Variants in NELL2 observed in about 807,000 individuals in gnomAD.
NELL2 encodes protein kinase C-binding protein NELL2.
Under a neutral mutation model 109.6 loss-of-function variants are expected in NELL2, and 41 were observed. The observed-to-expected ratio is 0.37, with a 90% CI of 0.29 to 0.49. The LOEUF (loss-of-function observed/expected upper bound fraction) is 0.49, where lower values mean the gene tolerates loss of function less well. NELL2 is among the 20% of genes least tolerant of loss of function. The probability of loss-of-function intolerance (pLI) is 0.98; values close to 1 mark genes in which losing one functional copy is unlikely to be tolerated. For synonymous variants in NELL2, 355 were observed against 344.7 expected, an observed-to-expected ratio of 1.03 and a Z score of -0.33; for missense variants, 900 against 1,008.3, an observed-to-expected ratio of 0.89 and a Z score of 1.45.
At chr12:44,683,521 G>A (rs1948602982) in intron 12 of NELL2, among the ~76,000 whole-genome samples, 1 of 152,002 alleles carries the variant, frequency 6.6e-6, no homozygotes, top group Non-Finnish European at 1.5e-5. Context: ...AATGCTTCCA[G>A]TTTTTGCCCA....
At chr12:44,631,438 T>C (rs929432059) in intron 13 of NELL2, among the ~76,000 whole-genome samples, 2 of 151,944 alleles carry the variant, frequency 1.3e-5, no homozygotes, top group African/African-American at 2.4e-5. Context: ...TTGTGGGATA[T>C]AGCTTAAGGA....
intron 5 of NELL2, among the ~76,000 whole-genome samples, chr12:44,779,226 A>T (rs943620349): frequency 2.0e-5 from 3 of 152,360 alleles, no homozygotes. Flanking sequence ...ATTTGTGCAC[A>T]TATGTGTATT....
intron 9 of NELL2, among the ~76,000 whole-genome samples, chr12:44,721,012 C>G (rs529196200): frequency 9.2e-5 from 14 of 152,138 alleles, no homozygotes; most frequent in African/African-American, 3.4e-4. Context: ...AAAGTACCTC[C>G]CAGAATAGAA....
intron 13 of NELL2, among the ~76,000 whole-genome samples, chr12:44,654,066 T>A (rs543061524): frequency 1.3e-4 from 20 of 152,272 alleles, no homozygotes; most frequent in African/African-American, 4.6e-4. Flanking sequence ...TGTGTGGCCA[T>A]ACCCAGGTTT....
intron 13 of NELL2, among the ~76,000 whole-genome samples, chr12:44,616,955 C>T (rs1458581592): frequency 1.3e-5 from 2 of 152,120 alleles, no homozygotes; most frequent in Non-Finnish European, 2.9e-5. Flanking sequence ...AGTACTTTAG[C>T]AATATAATTA....
chr12:44,775,946 T>G, intron 8 of NELL2, 76 bp downstream of exon 8: 2 of 1,525,258 alleles, frequency 1.3e-6, no homozygotes, highest in Non-Finnish European at 1.8e-6. Flanking sequence ...ATTTTCATGA[T>G]TACATTGTTT....
intron 15 of NELL2, among the ~76,000 whole-genome samples, chr12:44,564,874 T>A (rs939749225): frequency 1.3e-5 from 2 of 152,158 alleles, no homozygotes; most frequent in Non-Finnish European, 2.9e-5. Flanking sequence ...TATTGGTATA[T>A]CCCCTCTATC....
At chr12:44,683,428 C>T (rs1400910524) in intron 12 of NELL2, among the ~76,000 whole-genome samples, 3 of 150,740 alleles carry the variant, frequency 2.0e-5, no homozygotes, top group East Asian at 1.9e-4. Flanking sequence ...TCCTGCCTAA[C>T]TGCCCTGGCC....
chr12:44,775,362 T>C lies in NELL2; in HGVS notation c.892-513A>G, dbSNP rs200205194. On this transcript the variant is annotated intron_variant, in intron 8 of 19. Transcript: ENST00000429094. ...TTGAGAAATTTTTTTAAAAGCCTAA[T>C]TCACATAGATGTCTGACTTCTTTCC... Among the ~76,000 whole-genome samples the C allele has an allele frequency of 2.0e-5, 3 of 151,576 alleles. No individual in the cohort carries two copies. In the East Asian group the frequency reaches 5.8e-4, roughly 29 times the overall value.
At chr12:44,552,997 T>G (rs961417420) in intron 15 of NELL2, among the ~76,000 whole-genome samples, 6 of 151,774 alleles carry the variant, frequency 4.0e-5, no homozygotes, top group Non-Finnish European at 7.4e-5. Context: ...GAAACCATCA[T>G]TCTCAGTAAA....
chr12:44,526,956 T>C (rs1172514403), intron 16 of NELL2, among the ~76,000 whole-genome samples: 1 of 152,194 alleles, frequency 6.6e-6, no homozygotes, highest in Admixed American at 6.5e-5. Flanking sequence ...TGTTCAAACT[T>C]CGTAGTACGG....
At chr12:44,705,963 A>G (rs1311250505) in intron 11 of NELL2, among the ~76,000 whole-genome samples, 1 of 152,108 alleles carries the variant, frequency 6.6e-6, no homozygotes, top group Middle Eastern at 3.2e-3. Flanking sequence ...GCCCAATATT[A>G]TCTATGCCAT....
chr12:44,628,673 C>T (rs1361153630), intron 13 of NELL2, among the ~76,000 whole-genome samples: 1 of 152,180 alleles, frequency 6.6e-6, no homozygotes, highest in African/African-American at 2.4e-5. Flanking sequence ...GCCTCTATAG[C>T]TTTCCTTCAT....
intron 1 of NELL2, among the ~76,000 whole-genome samples, chr12:44,920,719 A>G (rs554832281): frequency 5.9e-5 from 9 of 152,196 alleles, no homozygotes; most frequent in Non-Finnish European, 1.5e-5. Context: ...CATGTCTACA[A>G]TATTTCAGTA....
intron 15 of NELL2, among the ~76,000 whole-genome samples, chr12:44,554,180 C>T (rs905025295): frequency 4.6e-5 from 7 of 152,144 alleles, no homozygotes; most frequent in African/African-American, 1.7e-4. Flanking sequence ...AGAAAAATTG[C>T]ACATTTGAAA....
intron 13 of NELL2, among the ~76,000 whole-genome samples, chr12:44,623,699 A>G (rs1946138816): frequency 6.6e-6 from 1 of 152,148 alleles, no homozygotes; most frequent in Non-Finnish European, 1.5e-5. Context: ...GGTTTCTCAC[A>G]CCAACAAGCT....
intron 12 of NELL2, among the ~76,000 whole-genome samples, chr12:44,675,499 A>G (rs1948276996): frequency 6.6e-6 from 1 of 152,176 alleles, no homozygotes; most frequent in Non-Finnish European, 1.5e-5. Context: ...GGTCTATTTT[A>G]GAAACTAGAA....
At chr12:44,639,685 G>T (rs758800979) in intron 13 of NELL2, among the ~76,000 whole-genome samples, 63 of 152,162 alleles carry the variant, frequency 4.1e-4, no homozygotes, top group African/African-American at 1.5e-3. Flanking sequence ...GTCCGTAAGA[G>T]CCTCTTAAAA....
chr12:44,615,299 C>G (rs1355726711), intron 13 of NELL2, among the ~76,000 whole-genome samples: 2 of 151,904 alleles, frequency 1.3e-5, no homozygotes, highest in African/African-American at 2.4e-5. Context: ...CATACTTTGT[C>G]TCTTTTGTTT....
Sources: allele counts gnomAD v4.1 joint callset (sites outside exome capture counted in the v4.1 genomes callset), GRCh38; gene constraint gnomAD v4.1.1; transcripts MANE v1.5; gene names NCBI Gene and HGNC (gene_info 2026-07-23, HGNC 2026-07-21).